Variants in DDX39B observed in about 807,000 individuals in gnomAD.
The protein encoded by DDX39B is DExD-box helicase 39B.
DDX39B carries 6 observed loss-of-function variants against 46.4 expected under a neutral mutation model. That is an observed-to-expected ratio of 0.13 (90% CI 0.07 to 0.26). The LOEUF (loss-of-function observed/expected upper bound fraction) is 0.26, where lower values mean the gene tolerates loss of function less well. DDX39B is among the 10% of genes least tolerant of loss of function. The pLI is 1.00. For missense variants in DDX39B, 185 were observed against 553.4 expected, an observed-to-expected ratio of 0.33 and a Z score of 6.68; for synonymous variants, 174 against 199.4, an observed-to-expected ratio of 0.87 and a Z score of 1.07.
At chr6:31,539,731 T>C (rs1190465723) in intron 2 of DDX39B, among the ~76,000 whole-genome samples, 1 of 152,116 alleles carries the variant, frequency 6.6e-6, no homozygotes, top group Non-Finnish European at 1.5e-5. Context: ...AAACCAGTCA[T>C]AGAGGTTTCC....
intron 4 of DDX39B, among the ~76,000 whole-genome samples, chr6:31,537,996 C>T (rs963432275): frequency 8.6e-5 from 13 of 151,926 alleles, no homozygotes; most frequent in African/African-American, 3.1e-4. Flanking sequence ...GATCGCGCCA[C>T]TACACTCACA....
At chr6:31,537,279 C>T (rs1767888700) in intron 4 of DDX39B, among the ~76,000 whole-genome samples, 1 of 151,874 alleles carries the variant, frequency 6.6e-6, no homozygotes, top group Admixed American at 6.6e-5. Flanking sequence ...ACAAAATTTA[C>T]AAATTTACTA....
chr6:31,531,418 G>T lies in DDX39B; in HGVS notation c.868-13C>A, dbSNP rs1414776018. 1 of 1,613,596 alleles carries T rather than the reference G, an allele frequency of 6.2e-7. No individual in the cohort carries two copies. Among genetic ancestry groups the T allele is most frequent in the African/African-American group, 1.3e-5 (1 of 74,894 alleles). On this transcript the variant is annotated splice_polypyrimidine_tract_variant and intron_variant, in intron 7 of 10. Transcript: ENST00000396172. This position sits in a 1 kb window ranked among gnomAD's most constrained non-coding sequence, Gnocchi z 5.8. The stretch of plus-strand genomic sequence containing the variant: ...CAAAGATCACCACCTGTTGTGGGGT[G>T]GGGTGGGGGGTCGCAAATTGGGGGA...
At chr6:31,540,009 G>A (rs763152656) in intron 2 of DDX39B, among the ~76,000 whole-genome samples, 2 of 152,042 alleles carry the variant, frequency 1.3e-5, no homozygotes, top group East Asian at 1.9e-4. Context: ...CCTCACTGTC[G>A]CCCCGGCTGG....
At chr6:31,538,962 C>T (rs1293325833) in intron 3 of DDX39B, 107 bp from the exon 4 acceptor site, 3 of 1,483,282 alleles carry the variant, frequency 2.0e-6, no homozygotes, top group Non-Finnish European at 2.8e-6. Flanking sequence ...TAAATGACTT[C>T]AATTATGTGA....
rs1393518808 is a variant in DDX39B at position 31,530,369 on chromosome 6, T to C, written c.*65A>G. The C allele has an allele frequency of 2.9e-5, 46 of 1,599,000 alleles. No homozygotes were observed. In the East Asian group the frequency reaches 3.6e-4, roughly 12 times the overall value. ...CAGGGGTGGGGGCAGTAGTGTCTCC[T>C]TCACCCCCACCCTGGTGTCCTCTCC... is the stretch of plus-strand genomic sequence containing the variant. On this transcript the variant is annotated 3_prime_UTR_variant, in exon 11 of 11. Transcript: ENST00000396172. The surrounding 1 kb of genome is among the most constrained non-coding windows in gnomAD (Gnocchi z 4.5).
intron 1 of DDX39B, chr6:31,541,296 G>C: frequency 2.1e-6 from 1 of 467,288 alleles, no homozygotes; most frequent in Non-Finnish European, 4.4e-6. Context: ...CAAATGGCTC[G>C]GCCACAAAAA....
rs3131629 is a variant in DDX39B, at chr6:31,534,040, T to A, written c.736-1129A>T. On this transcript the variant is annotated intron_variant, in intron 6 of 10. Transcript: ENST00000396172. This position sits in a 1 kb window ranked among gnomAD's most constrained non-coding sequence, Gnocchi z 5.1. ...TTGTTTTGTTTTGATACAGGGTCTC[T>A]CTCTATCACCCAGGCTGGAGTACAG... is the stretch of plus-strand genomic sequence containing the variant. 130,417 of 153,836 alleles carry A rather than the reference T, an allele frequency of 0.85. 55,380 individuals are homozygous for A. Among genetic ancestry groups the A allele is most frequent in the East Asian group, 0.93 (4,824 of 5,212 alleles). 9.5% of individuals were successfully genotyped at this position (153,836 alleles called of 1,614,324 possible).
chr6:31,535,131 C>T lies in DDX39B; in HGVS notation c.735+236G>A, dbSNP rs549863718. 8 of 576,078 alleles carry T rather than the reference C, an allele frequency of 1.4e-5. No homozygotes were observed. Among genetic ancestry groups the T allele is most frequent in the Admixed American group, 9.0e-5 (3 of 33,304 alleles). 35.7% of individuals were successfully genotyped at this position (576,078 alleles called of 1,614,324 possible). A position where few individuals can be genotyped will look rare whatever the true frequency, so the allele number is the denominator to read the frequency against. On this transcript the variant is annotated intron_variant, in intron 6 of 10. Coordinates refer to ENST00000396172, the MANE Select transcript of DDX39B (RefSeq NM_004640.7). This position sits in a 1 kb window ranked among gnomAD's most constrained non-coding sequence, Gnocchi z 4.6. ...TGTTGTGATTTATGAAAAAGTCGAA[C>T]ACTACCCGCTCTCACATTAACCCGA...
intron 2 of DDX39B, 52 bp from the exon 3 acceptor site, chr6:31,539,326 T>C (rs765696501): frequency 6.3e-6 from 10 of 1,585,856 alleles, no homozygotes; most frequent in Non-Finnish European, 6.9e-6. Context: ...TCCAGATAAC[T>C]CTACCTTTTT....
intron 5 of DDX39B, among the ~76,000 whole-genome samples, chr6:31,536,165 G>A (rs180673702): frequency 1.3e-5 from 2 of 152,196 alleles, no homozygotes; most frequent in Non-Finnish European, 2.9e-5. Flanking sequence ...GATGCCAGAA[G>A]GGTACTGTCT....
intron 1 of DDX39B, chr6:31,541,268 G>A: frequency 1.9e-6 from 1 of 524,796 alleles, no homozygotes; most frequent in Admixed American, 2.0e-5. Flanking sequence ...TAGCATGGGG[G>A]GGAGGGGCGG....
chr6:31,538,031 A>G (rs1767981706), intron 4 of DDX39B, among the ~76,000 whole-genome samples: 1 of 152,220 alleles, frequency 6.6e-6, no homozygotes, highest in Non-Finnish European at 1.5e-5. Flanking sequence ...GCGAGACTCC[A>G]TCTCAAAACA....
At position 31,531,555 on chromosome 6, in the gene DDX39B, C is replaced by G. The variant is rs1767167080; in HGVS notation, c.868-150G>C. On this transcript the variant is annotated intron_variant, in intron 7 of 10. Coordinates refer to ENST00000396172, the MANE Select transcript of DDX39B (RefSeq NM_004640.7). This position sits in a 1 kb window ranked among gnomAD's most constrained non-coding sequence, Gnocchi z 5.8. ...TTATTCCCCCACTATATATTTAGAG[C>G]AGAAAAGGAAATATAACTTTACTTC... The G allele has an allele frequency of 1.4e-6, 1 of 694,688 alleles. No homozygotes were observed. The highest frequency in any genetic ancestry group is 2.9e-5 in the Admixed American group (1 of 34,000). 43.0% of individuals were successfully genotyped at this position (694,688 alleles called of 1,614,324 possible). A position where few individuals can be genotyped will look rare whatever the true frequency, so the allele number is the denominator to read the frequency against.
At chr6:31,541,023 G>A (rs895174759) in intron 1 of DDX39B, 18 of 486,674 alleles carry the variant, frequency 3.7e-5, no homozygotes, top group African/African-American at 3.2e-4. Context: ...GAGATGACAA[G>A]TAGAGTCCTG....
intron 4 of DDX39B, 81 bp downstream of exon 4, chr6:31,538,682 T>C: frequency 7.7e-7 from 1 of 1,303,992 alleles, no homozygotes; most frequent in Non-Finnish European, 1.1e-6. Flanking sequence ...TCTCCAAAAT[T>C]AAAGAGACTA....
chr6:31,532,592 C>T (rs1426013687), intron 7 of DDX39B, 188 bp downstream of exon 7: 4 of 661,196 alleles, frequency 6.0e-6, no homozygotes, highest in South Asian at 4.1e-5. Flanking sequence ...AGGACATACC[C>T]GTGCCAGCCA....
chr6:31,541,747 T>A (rs1052446421), intron 1 of DDX39B: 3 of 631,552 alleles, frequency 4.8e-6, no homozygotes, highest in Admixed American at 2.1e-5. Flanking sequence ...GGACACCATC[T>A]TGGATTGGGT....
Position 31,530,673 on chromosome 6 carries a change from A to G in DDX39B, c.1270+106T>C. ...AAAGACCAGGGGGCATGAACCAGTC[A>G]AGTGTCCATTATGCATCAGATGCCC... On this transcript the variant is annotated intron_variant, in intron 10 of 10. Coordinates refer to ENST00000396172, the MANE Select transcript of DDX39B (RefSeq NM_004640.7). This position sits in a 1 kb window ranked among gnomAD's most constrained non-coding sequence, Gnocchi z 4.5. The G allele has an allele frequency of 6.8e-7, 1 of 1,475,166 alleles. No individual in the cohort carries two copies. The highest frequency in any genetic ancestry group is 9.3e-7 in the Non-Finnish European group (1 of 1,079,856). 91.4% of individuals were successfully genotyped at this position (1,475,166 alleles called of 1,614,324 possible).
Sources: gnomAD v4.1 joint callset for allele counts (sites outside exome capture counted in the v4.1 genomes callset) on GRCh38, gnomAD v4.1.1 for gene constraint, Gnocchi (gnomAD v3.1) non-coding constraint, MANE v1.5 for transcripts, NCBI Gene and HGNC (gene_info 2026-07-23, HGNC 2026-07-21) for gene names.